Variants in CEP170B observed in about 807,000 individuals in gnomAD.
CEP170B encodes centrosomal protein of 170 kDa protein B.
CEP170B carries 55 observed loss-of-function variants against 120.6 expected under a neutral mutation model. The observed-to-expected ratio is 0.46, with a 90% CI of 0.37 to 0.57. The LOEUF (loss-of-function observed/expected upper bound fraction) is 0.57, where lower values mean the gene tolerates loss of function less well. Among genes scored for constraint, CEP170B ranks in the 20% least tolerant of loss-of-function variants. CEP170B has a pLI of 0.00. For missense variants in CEP170B, 2,212 were observed against 2,253.3 expected (o/e 0.98, Z 0.37); for synonymous variants, 1,033 against 954.5 (o/e 1.08, Z -1.52).
chr14:104,876,264 C>T lies in CEP170B; in HGVS notation c.114C>T (p.Ser38=), dbSNP rs961218306. The T allele has an allele frequency of 3.4e-5, 52 of 1,550,702 alleles. 4 individuals are homozygous for T. The African/African-American group carries it at 3.8e-4, about 11-fold the overall frequency. Residue 38 remains serine, a synonymous_variant, in exon 3 of 19, where the codon AGC becomes AGT. Transcript: ENST00000414716. Reference sequence around the variant, plus strand: ...GCTGTGTGTCTCTCCAGTCCCGCAGCGTGGACAAGCAGCATGCCGTCATCA... The same window carrying T: ...GCTGTGTGTCTCTCCAGTCCCGCAGTGTGGACAAGCAGCATGCCGTCATCA... ...EECELMLQSR[S]VDKQHAVINY...
chr14:104,890,849 ATGAG>A (rs766332667), intron 13 of CEP170B, among the ~76,000 whole-genome samples: 5 of 79,466 alleles, frequency 6.3e-5, no homozygotes, highest in Admixed American at 1.3e-4. Flanking sequence ...GAATGGATGA[ATGAG>A]TGGGTGGGTG....
chr14:104,894,237 C>T, intron 16 of CEP170B, 48 bp from the exon 17 acceptor site: 2 of 1,407,072 alleles, frequency 1.4e-6, no homozygotes, highest in African/African-American at 1.4e-5. Context: ...TCAGCTCTGT[C>T]ATCTCTGTCC....
At position 104,895,377 on chromosome 14, in the gene CEP170B, T is replaced by C. The variant is rs1897033997; in HGVS notation, c.*419T>C. ...ACTAACCTGCCATAACCCTTTGTGCTGGCCTGCGGCCAGGCAGAGGAAGAG... is the reference window on the plus strand; with the variant it reads ...ACTAACCTGCCATAACCCTTTGTGCCGGCCTGCGGCCAGGCAGAGGAAGAG... On this transcript the variant is annotated 3_prime_UTR_variant, in exon 19 of 19. Coordinates refer to ENST00000414716, the MANE Select transcript of CEP170B (RefSeq NM_001112726.3). The C allele has an allele frequency of 1.2e-5, 2 of 163,360 alleles. No individual in the cohort carries two copies. The highest frequency in any genetic ancestry group is 2.0e-4 in the South Asian group (1 of 5,052). The allele number at this position is 163,360 out of a possible 1,614,324, so 10.1% of individuals were successfully genotyped here. A position where few individuals can be genotyped will look rare whatever the true frequency, so the allele number is the denominator to read the frequency against.
In CEP170B at chr14:104,889,642, C is replaced by T; in HGVS notation, c.3762C>T (p.Gly1254=). 1 of 1,611,874 alleles carries T rather than the reference C, an allele frequency of 6.2e-7. No individual in the cohort carries two copies. The highest frequency in any genetic ancestry group is 8.5e-7 in the Non-Finnish European group (1 of 1,179,744). The change falls in exon 13 of 19, where the codon GGC becomes GGT. Residue 1254 remains glycine, a synonymous_variant. Transcript: ENST00000414716. Reference sequence around the variant, plus strand: ...CAGCCACTCAGACCCCGAGGGCTGGCAGCTCCAGCCGGGCTCGTTCCCGGG... The same window carrying T: ...CAGCCACTCAGACCCCGAGGGCTGGTAGCTCCAGCCGGGCTCGTTCCCGGG... The part of the protein sequence containing the change: ...YTSTTQTPRA[G]SSSRARSRAP...
At position 104,884,304 on chromosome 14, in the gene CEP170B, C is replaced by T. The variant is rs1481936216; in HGVS notation, c.1525C>T (p.Arg509Trp). The T allele has an allele frequency of 3.9e-6, 6 of 1,543,424 alleles. No individual in the cohort carries two copies. Among genetic ancestry groups the T allele is most frequent in the African/African-American group, 1.4e-5 (1 of 72,958 alleles). The stretch of plus-strand genomic sequence containing the variant: ...CCAGGACTTCATGGCCCAGTGTCTG[C>T]GGGAGAGCTCCCCGGCCGCCCGGCC... ...LAQDFMAQCLRESSPAARPSP... is the reference protein window; with the variant it reads ...LAQDFMAQCLWESSPAARPSP... Residue 509 changes from arginine (R) to tryptophan (W), a missense_variant, in exon 9 of 19, where the codon CGG becomes TGG. Physicochemically the swap from Arg to Trp is moderately radical, Grantham distance 101. This residue lies in a region of CEP170B where 2,166 missense variants were observed against 2,166.7 expected (regional missense o/e 1.00). Coordinates refer to ENST00000414716, the MANE Select transcript of CEP170B (RefSeq NM_001112726.3).
chr14:104,883,587 T>C, intron 8 of CEP170B, 79 bp downstream of exon 8: 1 of 1,382,846 alleles, frequency 7.2e-7, no homozygotes, highest in Non-Finnish European at 9.6e-7. Flanking sequence ...ACTGTTGCCA[T>C]GCAGAGGGGC....
intron 10 of CEP170B, 144 bp from the exon 11 acceptor site, chr14:104,885,896 C>T (rs1896463716): frequency 2.0e-5 from 15 of 765,250 alleles, no homozygotes; most frequent in Non-Finnish European, 3.1e-5. Context: ...TGCAGGGGCA[C>T]GCTTGCTCAT....
At chr14:104,864,529 A>G (rs1442504588), upstream of CEP170B, among the ~76,000 whole-genome samples, 1 of 152,198 alleles carries the variant, frequency 6.6e-6, no homozygotes, top group African/African-American at 2.4e-5. The surrounding 1 kb of genome is among the most constrained non-coding windows in gnomAD (Gnocchi z 5.9). Flanking sequence ...GCACCCGGCA[A>G]GGAGCGAGCA....
intron 11 of CEP170B, 55 bp from the exon 12 acceptor site, chr14:104,886,220 C>T: frequency 1.4e-6 from 2 of 1,471,308 alleles, no homozygotes; most frequent in South Asian, 1.3e-5. Flanking sequence ...TCTTCCTGAG[C>T]GTGGAGGGCC....
At chr14:104,878,746 C>T (rs971849114) in intron 5 of CEP170B, among the ~76,000 whole-genome samples, 15 of 152,330 alleles carry the variant, frequency 9.8e-5, no homozygotes, top group Admixed American at 4.6e-4. Context: ...CACCGGGACG[C>T]GGGTGCCACT....
In CEP170B at chr14:104,878,440, C is replaced by T; in HGVS notation, c.275-3C>T. On this transcript the variant is annotated splice_polypyrimidine_tract_variant and splice_region_variant and intron_variant, in intron 4 of 18. Coordinates refer to ENST00000414716, the MANE Select transcript of CEP170B (RefSeq NM_001112726.3). ...CTCTGTGTTCGCCTTAACACGTGTC[C>T]ACATTCCAACATGTATGTGCTGGAG... 1.2e-6 allele frequency: 2 copies of T among 1,612,638 alleles called. No homozygotes were observed. The highest frequency in any genetic ancestry group is 2.2e-5 in the South Asian group (2 of 91,058).
In CEP170B at chr14:104,883,136, G is replaced by A. The variant is rs1319478769; in HGVS notation, c.679G>A (p.Glu227Lys). 1.2e-5 allele frequency: 19 copies of A among 1,604,220 alleles called. No individual in the cohort carries two copies. Among genetic ancestry groups the A allele is most frequent in the Admixed American group, 1.7e-5 (1 of 59,228 alleles). Residue 227 changes from glutamate to lysine, a missense_variant, in exon 8 of 19, where the codon GAG (glutamate) becomes AAG (lysine). By Grantham distance (56) the Glu-to-Lys change is moderately conservative (BLOSUM62 1). Coordinates refer to ENST00000414716, the MANE Select transcript of CEP170B (RefSeq NM_001112726.3). ...CSFRREPSYF[E>K]IPTKETPQPS... is the part of the protein sequence containing the mutation. ...GTTCCGGCGGGAGCCCAGCTACTTCGAGATCCCCACGAAGGAGACCCCGCA... is the reference window on the plus strand; with the variant it reads ...GTTCCGGCGGGAGCCCAGCTACTTCAAGATCCCCACGAAGGAGACCCCGCA...
intron 9 of CEP170B, 43 bp from the exon 10 acceptor site, chr14:104,885,326 G>T (rs764447204): frequency 6.6e-7 from 1 of 1,503,848 alleles, no homozygotes; most frequent in Non-Finnish European, 8.9e-7. Flanking sequence ...TGGGAGGTGG[G>T]CTTCTCTGAC....
At chr14:104,872,731 A>G (rs996590592) in intron 2 of CEP170B, among the ~76,000 whole-genome samples, 2 of 152,196 alleles carry the variant, frequency 1.3e-5, no homozygotes, top group African/African-American at 4.8e-5. Context: ...GTGGCCGCCA[A>G]TGGGGAACTC....
chr14:104,886,271 A>T lies in CEP170B; in HGVS notation c.2036-4A>T. 6.6e-7 allele frequency: 1 copy of T among 1,525,664 alleles called. No homozygotes were observed. Among genetic ancestry groups the T allele is most frequent in the Non-Finnish European group, 8.8e-7 (1 of 1,141,938 alleles). 94.5% of individuals were successfully genotyped at this position (1,525,664 alleles called of 1,614,324 possible). A position where few individuals can be genotyped will look rare whatever the true frequency, so the allele number is the denominator to read the frequency against. ...CTCTAACCGGCTGCCTTTGTGCTCC[A>T]CAGAGGATGGCCTGGGACGTAGAGG... On this transcript the variant is annotated splice_region_variant and splice_polypyrimidine_tract_variant and intron_variant, in intron 11 of 18. Coordinates refer to ENST00000414716, the MANE Select transcript of CEP170B (RefSeq NM_001112726.3).
Position 104,885,377 on chromosome 14 carries a change from G to T in CEP170B, c.1779G>T (p.Gly593=). 1 of 1,563,810 alleles carries T rather than the reference G, an allele frequency of 6.4e-7. No homozygotes were observed. The highest frequency in any genetic ancestry group is 2.4e-5 in the East Asian group (1 of 41,926). The part of the protein sequence containing the change: ...EARKMIDQVF[G]VLESPELSRA... ...CCATTTCCTCTTGGCAGGTCTTTGG[G>T]GTGTTGGAGTCCCCTGAACTCTCCA... The change falls in exon 10 of 19, where the codon GGG becomes GGT. Residue 593 remains glycine, a synonymous_variant. Coordinates refer to ENST00000414716, the MANE Select transcript of CEP170B (RefSeq NM_001112726.3).
At chr14:104,890,314 G>A (rs1266303576) in intron 13 of CEP170B, among the ~76,000 whole-genome samples, 2 of 132,128 alleles carry the variant, frequency 1.5e-5, no homozygotes, top group Non-Finnish European at 1.6e-5. Context: ...GGGTGAGTGG[G>A]TGGGTGGGTG....
intron 2 of CEP170B, among the ~76,000 whole-genome samples, chr14:104,874,631 T>G (rs1489127121): frequency 6.6e-6 from 1 of 151,362 alleles, no homozygotes; most frequent in Non-Finnish European, 1.5e-5. Flanking sequence ...ACAGGAGGGG[T>G]GGGCTCCTCG....
rs761637315 is a variant in CEP170B, at chr14:104,886,907, C to T, written c.2668C>T (p.Pro890Ser). 1 of 1,610,296 alleles carries T rather than the reference C, an allele frequency of 6.2e-7. No homozygotes were observed. ...PGKPPHISSHPLLQDLAATRA... is the reference protein window; with the variant it reads ...PGKPPHISSHSLLQDLAATRA... ...CAAGCCCCCCCACATCTCCAGCCACCCGCTTCTACAGGACCTGGCCGCTAC... is the reference window on the plus strand; with the variant it reads ...CAAGCCCCCCCACATCTCCAGCCACTCGCTTCTACAGGACCTGGCCGCTAC... The change falls in exon 12 of 19, where the codon CCG becomes TCG. Residue 890 changes from proline (P) to serine (S), a missense_variant. Physicochemically the swap from Pro to Ser is moderately conservative, Grantham distance 74. Coordinates refer to ENST00000414716, the MANE Select transcript of CEP170B (RefSeq NM_001112726.3).
Sources: allele counts gnomAD v4.1 joint callset (sites outside exome capture counted in the v4.1 genomes callset), GRCh38; gene constraint gnomAD v4.1.1; regional missense constraint gnomAD v4.1.1; non-coding constraint Gnocchi (gnomAD v3.1); transcripts MANE v1.5; gene names NCBI Gene and HGNC (gene_info 2026-07-23, HGNC 2026-07-21).